The following FNDC3B variants were observed in gnomAD, a reference collection of about 807,000 sequenced individuals.
FNDC3B encodes fibronectin type III domain containing 3B, also known as fibronectin type III domain-containing protein 3B.
In FNDC3B, 12 loss-of-function variants were observed where a neutral mutation model predicts 151.5. That is an observed-to-expected ratio of 0.08 (90% CI 0.05 to 0.13). The LOEUF (loss-of-function observed/expected upper bound fraction) is 0.13, where lower values mean the gene tolerates loss of function less well. Ranked by LOEUF, FNDC3B falls within the 10% of genes least tolerant of loss-of-function variation. The pLI is 1.00. For synonymous variants in FNDC3B, 528 were observed against 549.0 expected (o/e 0.96, Z 0.54); for missense variants, 1,214 against 1,505.3 (o/e 0.81, Z 3.20).
In FNDC3B at chr3:172,181,343, A is replaced by G. The variant is rs545484557; in HGVS notation, c.188-45528A>G. ...TGGGAAGTCAAGGGTGCAGTGAGCT[A>G]TGATTACACCACTGTACTCCAGAGC... On this transcript the variant is annotated intron_variant, in intron 3 of 25. Coordinates refer to ENST00000415807, the MANE Select transcript of FNDC3B (RefSeq NM_022763.4). Among the ~76,000 whole-genome samples, 34 of 131,810 alleles carry G rather than the reference A, an allele frequency of 2.6e-4. No individual in the cohort carries two copies. In the South Asian group the frequency reaches 7.3e-3, roughly 28 times the overall value. The allele number at this position is 131,810 out of a possible 152,430, so 86.5% of individuals were successfully genotyped here. A position where few individuals can be genotyped will look rare whatever the true frequency, so the allele number is the denominator to read the frequency against.
chr3:172,334,814 T>G, intron 14 of FNDC3B, 130 bp from the exon 15 acceptor site: 1 of 753,776 alleles, frequency 1.3e-6, no homozygotes, highest in Non-Finnish European at 2.2e-6. Flanking sequence ...AATACTTGAG[T>G]TGAAAGAGAA....
rs60787876 is a variant in FNDC3B at position 172,348,336 on chromosome 3, C to A, written c.2514+975C>A. On this transcript the variant is annotated intron_variant, in intron 21 of 25. Coordinates refer to ENST00000415807, the MANE Select transcript of FNDC3B (RefSeq NM_022763.4). ...ATTTTTCAGATCAACTGAAGCATTT[C>A]TGTTAAATTCAGAAGTCTGCTGTAT... is the stretch of plus-strand genomic sequence containing the variant. 4.6e-3 allele frequency among the ~76,000 whole-genome samples: 695 copies of A among 152,334 alleles called. 4 individuals carry two copies. The highest frequency in any genetic ancestry group is 0.016 in the African/African-American group (657 of 41,586).
chr3:172,346,286 C>T lies in FNDC3B; in HGVS notation c.2251-41C>T, dbSNP rs1238657285. The T allele has an allele frequency of 5.9e-6, 7 of 1,181,338 alleles. No homozygotes were observed. The East Asian group carries it at 7.2e-5, about 12-fold the overall frequency. 73.2% of individuals were successfully genotyped at this position (1,181,338 alleles called of 1,614,324 possible). A position where few individuals can be genotyped will look rare whatever the true frequency, so the allele number is the denominator to read the frequency against. ...GCACACACATTCACAAACACATACA[C>T]GCATATATACATACGTGTGTGTGCG... On this transcript the variant is annotated intron_variant, in intron 19 of 25. Coordinates refer to ENST00000415807, the MANE Select transcript of FNDC3B (RefSeq NM_022763.4).
intron 23 of FNDC3B, among the ~76,000 whole-genome samples, chr3:172,367,362 T>C (rs373734017): frequency 3.3e-5 from 5 of 152,184 alleles, no homozygotes; most frequent in African/African-American, 1.2e-4. Context: ...CTAAGGGAGA[T>C]AAATTAACAT....
At chr3:172,294,438 TAGAG>T (rs920752348) in intron 7 of FNDC3B, among the ~76,000 whole-genome samples, 14 of 151,754 alleles carry the variant, frequency 9.2e-5, no homozygotes, top group Non-Finnish European at 1.6e-4. Context: ...AGGAGGAAGA[TAGAG>T]AGAAGGGGGA....
chr3:172,159,260 C>G (rs147298714), intron 3 of FNDC3B, among the ~76,000 whole-genome samples: 2 of 152,320 alleles, frequency 1.3e-5, no homozygotes, highest in East Asian at 3.9e-4. Context: ...GCCTGGGCAA[C>G]AAGATCGAAA....
intron 2 of FNDC3B, among the ~76,000 whole-genome samples, chr3:172,118,203 T>C (rs769685507): frequency 2.6e-5 from 4 of 152,256 alleles, no homozygotes; most frequent in Non-Finnish European, 4.4e-5. Context: ...ATGGTGCTCA[T>C]CATCAGCATG....
At chr3:172,365,154 A>G (rs1453007945) in intron 23 of FNDC3B, among the ~76,000 whole-genome samples, 3 of 152,216 alleles carry the variant, frequency 2.0e-5, no homozygotes, top group Non-Finnish European at 4.4e-5. Flanking sequence ...ATACATCATA[A>G]TACTTTTTAT....
At chr3:172,112,961 G>A (rs902836246) in intron 2 of FNDC3B, among the ~76,000 whole-genome samples, 1 of 152,176 alleles carries the variant, frequency 6.6e-6, no homozygotes, top group Non-Finnish European at 1.5e-5. Context: ...ACACAGGAGT[G>A]ATCTCGACAA....
At chr3:172,258,333 G>T (rs188489782) in intron 6 of FNDC3B, among the ~76,000 whole-genome samples, 69 of 152,180 alleles carry the variant, frequency 4.5e-4, no homozygotes, top group Non-Finnish European at 7.4e-4. Context: ...TTCAGAGTTC[G>T]CAGATTGCTT....
chr3:172,246,570 T>C (rs1288708676), intron 4 of FNDC3B, among the ~76,000 whole-genome samples: 1 of 152,262 alleles, frequency 6.6e-6, no homozygotes, highest in Non-Finnish European at 1.5e-5. Context: ...CTGCCTTCGT[T>C]GCTCTACTTG....
chr3:172,166,163 T>C (rs1402416041), intron 3 of FNDC3B, among the ~76,000 whole-genome samples: 1 of 152,196 alleles, frequency 6.6e-6, no homozygotes, highest in East Asian at 1.9e-4. Context: ...AGTCATCATT[T>C]CGAAGCCACT....
At chr3:172,116,527 A>G (rs551185892) in intron 2 of FNDC3B, among the ~76,000 whole-genome samples, 9 of 152,172 alleles carry the variant, frequency 5.9e-5, no homozygotes, top group Admixed American at 2.6e-4. Context: ...ATAAAATTAC[A>G]TAACATTTGG....
chr3:172,203,211 T>G (rs1040180191), intron 3 of FNDC3B, among the ~76,000 whole-genome samples: 16 of 152,356 alleles, frequency 1.1e-4, no homozygotes, highest in Admixed American at 9.2e-4. Context: ...CCCCTTCCCC[T>G]GTGGCACTTA....
chr3:172,368,255 G>A (rs1396531494), intron 23 of FNDC3B, among the ~76,000 whole-genome samples: 1 of 137,112 alleles, frequency 7.3e-6, no homozygotes, highest in Non-Finnish European at 1.5e-5. Flanking sequence ...GGGCAACAGA[G>A]TGAGACCCAG....
chr3:172,135,698 A>G, intron 3 of FNDC3B, among the ~76,000 whole-genome samples: 1 of 152,180 alleles, frequency 6.6e-6, no homozygotes, highest in East Asian at 1.9e-4. Context: ...CTGGGGCAAT[A>G]GGATGAACTG....
intron 3 of FNDC3B, among the ~76,000 whole-genome samples, chr3:172,224,484 G>A (rs921490316): frequency 2.6e-5 from 4 of 152,132 alleles, no homozygotes; most frequent in South Asian, 2.1e-4. Context: ...TGGATTGAAC[G>A]GTTGGCATTT....
intron 1 of FNDC3B, among the ~76,000 whole-genome samples, chr3:172,049,816 C>A (rs912344129): frequency 2.0e-5 from 3 of 152,136 alleles, no homozygotes; most frequent in Admixed American, 1.3e-4. Flanking sequence ...CATGAGCCAC[C>A]GTGCCTGGCC....
At chr3:172,294,429 G>A (rs950533615) in intron 7 of FNDC3B, among the ~76,000 whole-genome samples, 3 of 152,192 alleles carry the variant, frequency 2.0e-5, no homozygotes, top group Non-Finnish European at 2.9e-5. Context: ...TGCCCGAGAA[G>A]GAGGAAGATA....
Sources: gnomAD v4.1 joint callset for allele counts (sites outside exome capture counted in the v4.1 genomes callset) on GRCh38, gnomAD v4.1.1 for gene constraint, MANE v1.5 for transcripts, NCBI Gene and HGNC (gene_info 2026-07-23, HGNC 2026-07-21) for gene names.